NBPF14: variants seen among roughly 807,000 people sequenced by gnomAD.
The protein encoded by NBPF14 is NBPF member 14, also known as NBPF family member NBPF14.
NBPF14 carries 104 observed loss-of-function variants against 91.2 expected under a neutral mutation model. The ratio of observed to expected loss-of-function variants is 1.14; its 90% CI spans 0.97 to 1.34. The LOEUF is 1.34. Ranked by LOEUF, NBPF14 falls within the 40% of genes most tolerant of loss-of-function variation. The pLI, the probability that NBPF14 is intolerant of heterozygous loss-of-function variation, is 0.00. For missense variants in NBPF14, 908 were observed against 783.0 expected (o/e 1.16, Z -1.91); for synonymous variants, 294 against 303.8 (o/e 0.97, Z 0.34).
At chr1:148,572,411 G>A (rs1659244399) in intron 21 of NBPF14, 32 bp downstream of exon 21, 1 of 439,206 alleles carries the variant, frequency 2.3e-6, no homozygotes, top group Non-Finnish European at 3.8e-6. Flanking sequence ...AGACCAGGTG[G>A]AGGCTTATCA....
chr1:148,560,222 A>T (rs1657559205), intron 36 of NBPF14, among the ~76,000 whole-genome samples: 1 of 150,912 alleles, frequency 6.6e-6, no homozygotes, highest in East Asian at 2.0e-4. Context: ...TGAATTGGCC[A>T]GGTGACATAC....
chr1:148,577,597 G>C (rs1430819983), intron 14 of NBPF14, among the ~76,000 whole-genome samples: 5 of 149,948 alleles, frequency 3.3e-5, no homozygotes, highest in African/African-American at 1.3e-4. Flanking sequence ...CACAGAGCGA[G>C]GTCAGTCAAT....
At chr1:148,586,991 T>A (rs1291539382) in intron 8 of NBPF14, among the ~76,000 whole-genome samples, 1 of 146,294 alleles carries the variant, frequency 6.8e-6, no homozygotes, top group Non-Finnish European at 1.5e-5. Flanking sequence ...GGGGTGGTGA[T>A]GGCACACCAT....
chr1:148,534,611 A>C, intron 69 of NBPF14, 73 bp downstream of exon 69: 1 of 907,610 alleles, frequency 1.1e-6, no homozygotes, highest in South Asian at 1.3e-5. Flanking sequence ...AGTAAGGGCC[A>C]CTTGGAATAG....
In NBPF14 at chr1:148,533,822, T is replaced by G. The variant is rs1238587393; in HGVS notation, c.8723+39A>C. On this transcript the variant is annotated intron_variant, in intron 70 of 70. Coordinates refer to ENST00000619423, the Ensembl canonical transcript of NBPF14. Reference sequence around the variant, plus strand: ...TCCCTGAATCTGTTGCCTCCAGGAGTTAACACAGAACTAAGGATCCACAAT... The same window carrying G: ...TCCCTGAATCTGTTGCCTCCAGGAGGTAACACAGAACTAAGGATCCACAAT... 4,635 of 767,456 alleles carry G rather than the reference T, an allele frequency of 6.0e-3. 252 individuals carry two copies. In the South Asian group the frequency reaches 0.061, roughly 10 times the overall value. The allele number at this position is 767,456 out of a possible 1,614,324, so 47.5% of individuals were successfully genotyped here. A position where few individuals can be genotyped will look rare whatever the true frequency, so the allele number is the denominator to read the frequency against.
chr1:148,535,108 T>G, intron 68 of NBPF14, among the ~76,000 whole-genome samples: 1 of 145,638 alleles, frequency 6.9e-6, no homozygotes, highest in Middle Eastern at 3.4e-3. Flanking sequence ...GGTGACACAC[T>G]GATGAAGGGG....
Position 148,534,680 on chromosome 1 carries a change from T to C in NBPF14, c.8614+4A>G, listed in dbSNP as rs1466211519. 3 of 800,302 alleles carry C rather than the reference T, an allele frequency of 3.7e-6. No homozygotes were observed. In the African/African-American group the frequency reaches 5.2e-5, roughly 14 times the overall value. 49.6% of individuals were successfully genotyped at this position (800,302 alleles called of 1,614,324 possible). ...GCTTATCACCTTCATAGTAAGGTAC[T>C]CACTGTCCACGTCAAGAGCCAAGCC... On this transcript the variant is annotated splice_donor_region_variant and intron_variant, in intron 69 of 70. Transcript: ENST00000619423.
chr1:148,560,027 C>G (rs1470816995), intron 36 of NBPF14, 62 bp from the exon 37 acceptor site: 16 of 732,874 alleles, frequency 2.2e-5, no homozygotes, highest in Non-Finnish European at 3.7e-5. Context: ...ACAGCCCCAG[C>G]TAGATTTCAT....
intron 28 of NBPF14, among the ~76,000 whole-genome samples, chr1:148,566,542 A>AAACAC (rs1658410350): frequency 1.1e-5 from 1 of 90,938 alleles, no homozygotes; most frequent in Admixed American, 1.0e-4. Context: ...CACACACACA[A>AAACAC]ACACACACAC....
chr1:148,557,677 G>A, intron 39 of NBPF14, 135 bp from the exon 40 acceptor site: 3 of 616,884 alleles, frequency 4.9e-6, no homozygotes, highest in South Asian at 3.4e-5. Flanking sequence ...ATATACTTCA[G>A]GAGGCCTGAA....
chr1:148,534,992 T>A, intron 68 of NBPF14, 136 bp from the exon 69 acceptor site: 1 of 715,800 alleles, frequency 1.4e-6, no homozygotes, highest in Non-Finnish European at 2.6e-6. Context: ...AACGAATTAT[T>A]GCCTTTATGT....
intron 37 of NBPF14, among the ~76,000 whole-genome samples, chr1:148,559,312 C>G (rs1342001437): frequency 1.6e-5 from 2 of 123,008 alleles, no homozygotes; most frequent in African/African-American, 4.3e-5. Flanking sequence ...TATCATTTGT[C>G]CCAAGTTTGT....
intron 6 of NBPF14, 64 bp downstream of exon 6, chr1:148,590,693 G>A: frequency 2.3e-6 from 1 of 429,184 alleles, no homozygotes. Context: ...TATACAGCCT[G>A]TCCTCAGAAT....
intron 6 of NBPF14, among the ~76,000 whole-genome samples, chr1:148,590,308 C>T (rs1212560058): frequency 1.1e-4 from 15 of 142,544 alleles, no homozygotes; most frequent in African/African-American, 2.6e-4. Flanking sequence ...CCACCCGCCT[C>T]GGCCTCCCAA....
intron 68 of NBPF14, among the ~76,000 whole-genome samples, chr1:148,535,117 G>T (rs1459552155): frequency 6.8e-6 from 1 of 146,194 alleles, no homozygotes; most frequent in Non-Finnish European, 1.5e-5. Context: ...CTGATGAAGG[G>T]GTCAAAGGAC....
intron 69 of NBPF14, among the ~76,000 whole-genome samples, 194 bp from the exon 70 acceptor site, chr1:148,534,163 T>C (rs1271863045): frequency 6.7e-6 from 1 of 148,442 alleles, no homozygotes; most frequent in South Asian, 2.1e-4. Context: ...AAACTGTGGG[T>C]AAAATGTCCC....
At position 148,572,668 on chromosome 1, in the gene NBPF14, C is replaced by G. The variant is rs1471574239; in HGVS notation, c.2586-53G>C. ...AAGCCAGGGGGAATCAGAAACCACA[C>G]AGCCCCAGCTAGATTTCATGGCTAA... On this transcript the variant is annotated intron_variant, in intron 20 of 70. Transcript: ENST00000619423. 8 of 669,774 alleles carry G rather than the reference C, an allele frequency of 1.2e-5. 1 individual carries two copies. Among genetic ancestry groups the G allele is most frequent in the Non-Finnish European group, 1.9e-5 (7 of 375,240 alleles). The allele number at this position is 669,774 out of a possible 1,614,324, so 41.5% of individuals were successfully genotyped here.
chr1:148,577,921 C>A (rs1203710096), intron 14 of NBPF14, 62 bp downstream of exon 14: 1 of 634,586 alleles, frequency 1.6e-6, no homozygotes, highest in Non-Finnish European at 2.8e-6. Flanking sequence ...TACTGTTTTC[C>A]CTGGACTTGG....
At chr1:148,559,806 A>G (rs1657393170) in exon 37 of NBPF14, 14 of 1,526,074 alleles carry the variant, frequency 9.2e-6, no homozygotes, top group African/African-American at 1.9e-5. Context: ...CCATGTCAAC[A>G]GCCAAGCCAA....
Sources: allele counts gnomAD v4.1 joint callset (sites outside exome capture counted in the v4.1 genomes callset), GRCh38; gene constraint gnomAD v4.1.1; transcripts MANE v1.5; gene names NCBI Gene and HGNC (gene_info 2026-07-23, HGNC 2026-07-21).